THSD7A: variants seen among roughly 807,000 people sequenced by gnomAD.
THSD7A encodes the protein thrombospondin type 1 domain containing 7A.
A neutral mutation model predicts 231.3 loss-of-function variants in THSD7A; 96 were observed. The observed-to-expected ratio is 0.41, with a 90% CI of 0.35 to 0.49. The LOEUF (loss-of-function observed/expected upper bound fraction) is 0.49, where lower values mean the gene tolerates loss of function less well. THSD7A is among the 20% of genes least tolerant of loss of function. THSD7A has a pLI of 0.05. For missense variants in THSD7A, 2,290 were observed against 2,070.2 expected (o/e 1.11, Z -2.06); for synonymous variants, 940 against 743.3 (o/e 1.26, Z -4.30).
At chr7:11,475,107 A>G (rs1358191173) in intron 7 of THSD7A, among the ~76,000 whole-genome samples, 1 of 152,224 alleles carries the variant, frequency 6.6e-6, no homozygotes, top group Admixed American at 6.5e-5. Flanking sequence ...ATTGGAGTGT[A>G]GAGTTCACAT....
chr7:11,403,953 C>T (rs1344588029), intron 22 of THSD7A, among the ~76,000 whole-genome samples: 3 of 152,008 alleles, frequency 2.0e-5, no homozygotes, highest in African/African-American at 7.3e-5. Flanking sequence ...CACATACTGC[C>T]AGCTTTCAAA....
chr7:11,812,515 T>C (rs1784561691), intron 1 of THSD7A, among the ~76,000 whole-genome samples: 1 of 152,064 alleles, frequency 6.6e-6, no homozygotes. Context: ...TAAGAGAAAA[T>C]GGTAAAATCT....
intron 1 of THSD7A, among the ~76,000 whole-genome samples, chr7:11,683,414 A>C (rs1783944252): frequency 6.6e-6 from 1 of 151,960 alleles, no homozygotes; most frequent in South Asian, 2.1e-4. Flanking sequence ...CAAAAAATCT[A>C]TACAAAAATC....
chr7:11,489,698 C>T (rs758057471), intron 6 of THSD7A, among the ~76,000 whole-genome samples: 3 of 152,008 alleles, frequency 2.0e-5, no homozygotes, highest in East Asian at 1.9e-4. Context: ...CACCCCCTAA[C>T]GTCCTCTAGC....
At chr7:11,416,088 C>T (rs894477424) in intron 17 of THSD7A, among the ~76,000 whole-genome samples, 4 of 152,162 alleles carry the variant, frequency 2.6e-5, no homozygotes, top group Non-Finnish European at 5.9e-5. Context: ...GCCCAGGAAG[C>T]ACAGTTTATT....
At chr7:11,710,233 T>C (rs1212470201) in intron 1 of THSD7A, among the ~76,000 whole-genome samples, 4 of 149,244 alleles carry the variant, frequency 2.7e-5, no homozygotes, top group African/African-American at 9.8e-5. Flanking sequence ...GCGTTGAGAA[T>C]CAGTGCATCA....
intron 2 of THSD7A, among the ~76,000 whole-genome samples, chr7:11,629,095 G>C (rs1440409185): frequency 6.6e-6 from 1 of 152,134 alleles, no homozygotes; most frequent in South Asian, 2.1e-4. Flanking sequence ...ATTCAGCCAG[G>C]AACAGACAGG....
At chr7:11,544,010 T>A (rs926409262) in intron 4 of THSD7A, among the ~76,000 whole-genome samples, 12 of 152,250 alleles carry the variant, frequency 7.9e-5, no homozygotes, top group Middle Eastern at 3.4e-3. Flanking sequence ...TATCTGTCTG[T>A]CTATCTCCTG....
At chr7:11,781,513 C>T (rs540311598) in intron 1 of THSD7A, among the ~76,000 whole-genome samples, 25 of 152,140 alleles carry the variant, frequency 1.6e-4, no homozygotes, top group African/African-American at 5.8e-4. Context: ...ATTCTGAAAC[C>T]CCTACTTCGA....
intron 7 of THSD7A, among the ~76,000 whole-genome samples, chr7:11,475,206 A>G (rs1382657626): frequency 6.6e-6 from 1 of 152,160 alleles, no homozygotes; most frequent in East Asian, 1.9e-4. Context: ...TTATCATAAT[A>G]CTATAAATTA....
At chr7:11,405,935 C>A (rs1385066222) in intron 22 of THSD7A, among the ~76,000 whole-genome samples, 1 of 152,162 alleles carries the variant, frequency 6.6e-6, no homozygotes, top group Non-Finnish European at 1.5e-5. Context: ...TGTATTTAAA[C>A]ATTGGCCTCT....
At chr7:11,546,579 A>T (rs1306367012) in intron 4 of THSD7A, among the ~76,000 whole-genome samples, 5 of 152,200 alleles carry the variant, frequency 3.3e-5, no homozygotes, top group African/African-American at 4.8e-5. Flanking sequence ...AACAGACAGC[A>T]GTTTCAAAGA....
chr7:11,690,040 C>G (rs1455211243), intron 1 of THSD7A, among the ~76,000 whole-genome samples: 1 of 151,626 alleles, frequency 6.6e-6, no homozygotes, highest in Admixed American at 6.6e-5. Flanking sequence ...TCAATATGAC[C>G]ATACAATCTT....
At chr7:11,779,678 G>C (rs1014870963) in intron 1 of THSD7A, among the ~76,000 whole-genome samples, 1 of 151,966 alleles carries the variant, frequency 6.6e-6, no homozygotes, top group Non-Finnish European at 1.5e-5. Flanking sequence ...GTTTTCATAG[G>C]CCTAGTCCTC....
rs915420309 is a variant in THSD7A at position 11,375,335 on chromosome 7, A to G, written c.*459T>C. 6.5e-6 allele frequency: 1 copy of G among 152,688 alleles called. No homozygotes were observed. Among genetic ancestry groups the G allele is most frequent in the Admixed American group, 6.6e-5 (1 of 15,246 alleles). The allele number at this position is 152,688 out of a possible 1,614,324, so 9.5% of individuals were successfully genotyped here. On this transcript the variant is annotated 3_prime_UTR_variant, in exon 28 of 28. Transcript: ENST00000423059. ...AAAATTGCTTATTAGCAAGTACATAATCTGACATAATGTGTGTCATTCAAC... is the reference window on the plus strand; with the variant it reads ...AAAATTGCTTATTAGCAAGTACATAGTCTGACATAATGTGTGTCATTCAAC...
chr7:11,692,673 A>G (rs1211963000), intron 1 of THSD7A, among the ~76,000 whole-genome samples: 1 of 151,576 alleles, frequency 6.6e-6, no homozygotes, highest in African/African-American at 2.4e-5. Flanking sequence ...AATTAGTTTA[A>G]ATATAATTGC....
chr7:11,660,836 C>A (rs1252763159), intron 1 of THSD7A, among the ~76,000 whole-genome samples: 1 of 151,320 alleles, frequency 6.6e-6, no homozygotes, highest in Non-Finnish European at 1.5e-5. Flanking sequence ...TTGTATGAGA[C>A]CAAACGTCCC....
intron 1 of THSD7A, among the ~76,000 whole-genome samples, chr7:11,646,908 G>T (rs918718564): frequency 1.3e-5 from 2 of 152,064 alleles, no homozygotes; most frequent in East Asian, 1.9e-4. Context: ...AAGAGAAGGA[G>T]AAATCAAGGG....
At chr7:11,550,694 C>A (rs896993386) in intron 4 of THSD7A, among the ~76,000 whole-genome samples, 2 of 152,002 alleles carry the variant, frequency 1.3e-5, no homozygotes, top group Non-Finnish European at 2.9e-5. Context: ...TTACCCAGTC[C>A]CAAGTAGTTC....
Sources: allele counts gnomAD v4.1 joint callset (sites outside exome capture counted in the v4.1 genomes callset), GRCh38; gene constraint gnomAD v4.1.1; transcripts MANE v1.5; gene names NCBI Gene and HGNC (gene_info 2026-07-23, HGNC 2026-07-21).